STAT4: variants seen among roughly 807,000 people sequenced by gnomAD.
The protein encoded by STAT4 is signal transducer and activator of transcription 4.
A neutral mutation model predicts 110.5 loss-of-function variants in STAT4; 42 were observed. The ratio of observed to expected loss-of-function variants is 0.38; its 90% CI spans 0.30 to 0.49. The LOEUF is 0.49. STAT4 is among the 20% of genes least tolerant of loss of function. The probability of loss-of-function intolerance (pLI) is 0.95; values close to 1 mark genes in which losing one functional copy is unlikely to be tolerated. For missense variants in STAT4, 632 were observed against 887.9 expected (o/e 0.71, Z 3.66); for synonymous variants, 284 against 302.2 (o/e 0.94, Z 0.63).
rs1249046960 is a variant in STAT4, at chr2:191,035,524, T to C, written c.1570+640A>G. On this transcript the variant is annotated intron_variant, in intron 17 of 23. Transcript: ENST00000392320. This position sits in a 1 kb window ranked among gnomAD's most constrained non-coding sequence, Gnocchi z 4.7. ...TTTTGGTGTTAAATATGTTAAACCC[T>C]GACTTGTCAAAATACAGATCTCTTA... 6.6e-6 allele frequency among the ~76,000 whole-genome samples: 1 copy of C among 152,258 alleles called. No individual in the cohort carries two copies. The highest frequency in any genetic ancestry group is 1.5e-5 in the Non-Finnish European group (1 of 68,044).
chr2:191,092,601 A>T (rs1574147211), intron 3 of STAT4, among the ~76,000 whole-genome samples: 1 of 152,294 alleles, frequency 6.6e-6, no homozygotes, highest in East Asian at 1.9e-4. Context: ...GAATAGGAAC[A>T]GCTCCAGTCT....
intron 13 of STAT4, 87 bp downstream of exon 13, chr2:191,057,931 C>T (rs990224182): frequency 2.5e-6 from 3 of 1,188,230 alleles, no homozygotes; most frequent in Non-Finnish European, 2.5e-6. Context: ...TATTTAAGCA[C>T]AAAACATACT....
intron 1 of STAT4, among the ~76,000 whole-genome samples, chr2:191,149,147 T>G (rs1221978245): frequency 6.6e-6 from 1 of 152,202 alleles, no homozygotes; most frequent in Non-Finnish European, 1.5e-5. Flanking sequence ...TCTCAGCAAT[T>G]CTAAGTCAAG....
chr2:191,054,667 T>C (rs898252666), intron 13 of STAT4, 133 bp from the exon 14 acceptor site: 18 of 711,468 alleles, frequency 2.5e-5, no homozygotes, highest in African/African-American at 7.2e-5. Flanking sequence ...TTCAAACTCA[T>C]TGAAACCTGA....
intron 14 of STAT4, among the ~76,000 whole-genome samples, chr2:191,045,830 T>C (rs1696334385): frequency 6.6e-6 from 1 of 152,202 alleles, no homozygotes; most frequent in African/African-American, 2.4e-5. Context: ...TAGAAAGTTA[T>C]GTTTAATAAA....
At position 191,058,298 on chromosome 2, in the gene STAT4, T is replaced by A; in HGVS notation, c.1095-79A>T. On this transcript the variant is annotated intron_variant, in intron 11 of 23. Transcript: ENST00000392320. This position sits in a 1 kb window ranked among gnomAD's most constrained non-coding sequence, Gnocchi z 4.3. ...ACTTTCTATGATAGTTTATTTTATT[T>A]ATTTATTTATTTATTTTGAGACAGA... is the stretch of plus-strand genomic sequence containing the variant. 2 of 1,354,838 alleles carry A rather than the reference T, an allele frequency of 1.5e-6. No homozygotes were observed. The highest frequency in any genetic ancestry group is 2.0e-6 in the Non-Finnish European group (2 of 988,088). The allele number at this position is 1,354,838 out of a possible 1,614,324, so 83.9% of individuals were successfully genotyped here.
intron 5 of STAT4, among the ~76,000 whole-genome samples, chr2:191,070,112 G>A (rs931122301): frequency 3.3e-5 from 5 of 152,090 alleles, no homozygotes; most frequent in Middle Eastern, 3.4e-3. Context: ...GAACCCTTGG[G>A]TATTTCATAT....
chr2:191,104,505 A>G lies in STAT4; in HGVS notation c.274-28180T>C, dbSNP rs1698225032. Reference sequence around the variant, plus strand: ...AGAAGATTTTGCCACACAGACTCACACTGTGTTTTTAAATTTGAAGATTTA... The same window carrying G: ...AGAAGATTTTGCCACACAGACTCACGCTGTGTTTTTAAATTTGAAGATTTA... On this transcript the variant is annotated intron_variant, in intron 3 of 23. Transcript: ENST00000392320. This position sits in a 1 kb window ranked among gnomAD's most constrained non-coding sequence, Gnocchi z 4.3. Among the ~76,000 whole-genome samples, 1 of 152,166 alleles carries G rather than the reference A, an allele frequency of 6.6e-6. No homozygotes were observed. The highest frequency in any genetic ancestry group is 2.4e-5 in the African/African-American group (1 of 41,442).
rs1197832390 is a variant in STAT4 at position 191,083,257 on chromosome 2, G to A, written c.274-6932C>T. Among the ~76,000 whole-genome samples, 3 of 152,202 alleles carry A rather than the reference G, an allele frequency of 2.0e-5. No individual in the cohort carries two copies. Among genetic ancestry groups the A allele is most frequent in the Admixed American group, 1.3e-4 (2 of 15,270 alleles). On this transcript the variant is annotated intron_variant, in intron 3 of 23. Transcript: ENST00000392320. This position sits in a 1 kb window ranked among gnomAD's most constrained non-coding sequence, Gnocchi z 4.6. Reference sequence around the variant, plus strand: ...GGAAGAGAAGGGAGCCAGTAAGGGTGTGCTGTTAGCCATTTGCTAAGATGG... The same window carrying A: ...GGAAGAGAAGGGAGCCAGTAAGGGTATGCTGTTAGCCATTTGCTAAGATGG...
In STAT4 at chr2:191,030,357, A is replaced by G. The variant is rs1174198969; in HGVS notation, c.2221-491T>C. Among the ~76,000 whole-genome samples the G allele has an allele frequency of 1.3e-5, 2 of 152,212 alleles. No homozygotes were observed. The highest frequency in any genetic ancestry group is 2.9e-5 in the Non-Finnish European group (2 of 68,032). On this transcript the variant is annotated intron_variant, in intron 23 of 23. Coordinates refer to ENST00000392320, the MANE Select transcript of STAT4 (RefSeq NM_003151.4). This position sits in a 1 kb window ranked among gnomAD's most constrained non-coding sequence, Gnocchi z 4.4. ...GTAAATTGGGGGTTTGAACCCATTG[A>G]CAGTATTGGTGGATAAGAGCAAATA...
intron 3 of STAT4, chr2:191,131,861 G>A: frequency 6.8e-7 from 1 of 1,462,070 alleles, no homozygotes; most frequent in Non-Finnish European, 9.0e-7. Flanking sequence ...GTTTCTCCAT[G>A]TCGATCCAAG....
intron 5 of STAT4, among the ~76,000 whole-genome samples, chr2:191,072,027 A>C (rs993255141): frequency 6.6e-6 from 1 of 152,144 alleles, no homozygotes; most frequent in African/African-American, 2.4e-5. Context: ...AGGCAGCCAA[A>C]GTCTCCCCGT....
rs1697214448 is a variant in STAT4 at position 191,073,150 on chromosome 2, T to G, written c.413A>C (p.Glu138Ala). ...TTTGTGCTCCACATTCCTCTGTCTTTCTGAAACTGAAGAACTTTGTAAGGA... is the reference window on the plus strand; with the variant it reads ...TTTGTGCTCCACATTCCTCTGTCTTGCTGAAACTGAAGAACTTTGTAAGGA... The part of the protein sequence containing the change: ...EKSLQSSSVS[E>A]RQRNVEHKVA... Residue 138 changes from glutamate to alanine, a missense_variant, in exon 5 of 24, where the codon GAA (glutamate) becomes GCA (alanine). Coordinates refer to ENST00000392320, the MANE Select transcript of STAT4 (RefSeq NM_003151.4). 6 of 1,613,968 alleles carry G rather than the reference T, an allele frequency of 3.7e-6. No homozygotes were observed. In the South Asian group the frequency reaches 6.6e-5, roughly 18 times the overall value.
Position 191,060,839 on chromosome 2 carries a change from G to T in STAT4, c.1034+890C>A, listed in dbSNP as rs766556147. Among the ~76,000 whole-genome samples, 4 of 152,186 alleles carry T rather than the reference G, an allele frequency of 2.6e-5. No individual in the cohort carries two copies. Among genetic ancestry groups the T allele is most frequent in the Non-Finnish European group, 5.9e-5 (4 of 68,032 alleles). On this transcript the variant is annotated intron_variant, in intron 10 of 23. Coordinates refer to ENST00000392320, the MANE Select transcript of STAT4 (RefSeq NM_003151.4). The surrounding 1 kb of genome is among the most constrained non-coding windows in gnomAD (Gnocchi z 4.5). ...TAATGGTGTCTTAAAAATGCAAACC[G>T]AAGACAAATGCCTTCTCTTTAAAAA...
Position 191,116,978 on chromosome 2 carries a change from TG to T in STAT4, c.273+29634del, listed in dbSNP as rs1173763485. On this transcript the variant is annotated intron_variant, in intron 3 of 23. Coordinates refer to ENST00000392320, the MANE Select transcript of STAT4 (RefSeq NM_003151.4). The surrounding 1 kb of genome is among the most constrained non-coding windows in gnomAD (Gnocchi z 4.1). The stretch of plus-strand genomic sequence containing the variant: ...ATGAAATATACGTGAGATCTCCATG[TG>T]ATTCTTTTTGCATTACTTTGAGCAG... Among the ~76,000 whole-genome samples, 1 of 152,206 alleles carries T rather than the reference TG, an allele frequency of 6.6e-6. No homozygotes were observed. The highest frequency in any genetic ancestry group is 1.5e-5 in the Non-Finnish European group (1 of 68,032).
intron 3 of STAT4, among the ~76,000 whole-genome samples, chr2:191,141,047 C>T (rs1451794828): frequency 6.6e-6 from 1 of 150,758 alleles, no homozygotes; most frequent in Non-Finnish European, 1.5e-5. Context: ...GATGCAAAGG[C>T]ATAAGAGTGA....
Position 191,083,487 on chromosome 2 carries a change from A to G in STAT4, c.274-7162T>C, listed in dbSNP as rs994973213. ...AACAGGACAGCCCCACCTCTGCTGTACCAGCTCTTCTCCTAACCCCAATTT... is the reference window on the plus strand; with the variant it reads ...AACAGGACAGCCCCACCTCTGCTGTGCCAGCTCTTCTCCTAACCCCAATTT... On this transcript the variant is annotated intron_variant, in intron 3 of 23. Transcript: ENST00000392320. The surrounding 1 kb of genome is among the most constrained non-coding windows in gnomAD (Gnocchi z 4.6). Among the ~76,000 whole-genome samples, 4 of 152,230 alleles carry G rather than the reference A, an allele frequency of 2.6e-5. No individual in the cohort carries two copies. Among genetic ancestry groups the G allele is most frequent in the Non-Finnish European group, 5.9e-5 (4 of 68,036 alleles).
Position 191,060,477 on chromosome 2 carries a change from G to A in STAT4, c.1034+1252C>T, listed in dbSNP as rs1323769451. On this transcript the variant is annotated intron_variant, in intron 10 of 23. Coordinates refer to ENST00000392320, the MANE Select transcript of STAT4 (RefSeq NM_003151.4). This position sits in a 1 kb window ranked among gnomAD's most constrained non-coding sequence, Gnocchi z 4.5. ...GTTGTTGCCCAGCCTGAAGTGCAGT[G>A]GCGTGAGTGCAGTGTACTGCAACCT... Among the ~76,000 whole-genome samples the A allele has an allele frequency of 2.6e-5, 4 of 152,220 alleles. No homozygotes were observed. Among genetic ancestry groups the A allele is most frequent in the African/African-American group, 4.8e-5 (2 of 41,468 alleles).
intron 13 of STAT4, among the ~76,000 whole-genome samples, chr2:191,055,889 A>G (rs2125212124): frequency 6.6e-6 from 1 of 152,260 alleles, no homozygotes; most frequent in East Asian, 1.9e-4. Context: ...GGCTCTTCCT[A>G]CTTTACTTAT....
Sources: allele counts gnomAD v4.1 joint callset (sites outside exome capture counted in the v4.1 genomes callset), GRCh38; gene constraint gnomAD v4.1.1; non-coding constraint Gnocchi (gnomAD v3.1); transcripts MANE v1.5; gene names NCBI Gene and HGNC (gene_info 2026-07-23, HGNC 2026-07-21).